Variants in AGBL1 observed in about 807,000 individuals in gnomAD.
The protein encoded by AGBL1 is cytosolic carboxypeptidase 4.
In AGBL1, 130 loss-of-function variants were observed where a neutral mutation model predicts 118.9. The observed-to-expected ratio is 1.09, with a 90% confidence interval of 0.95 to 1.26. The LOEUF is 1.26. AGBL1 is among the 50% of genes most tolerant of loss of function. AGBL1 has a pLI of 0.00. For missense variants in AGBL1, 1,584 were observed against 1,298.1 expected (o/e 1.22, Z -3.38); for synonymous variants, 555 against 478.9 (o/e 1.16, Z -2.08).
chr15:86,724,100 G>A (rs1696289418), intron 22 of AGBL1, among the ~76,000 whole-genome samples: 2 of 152,106 alleles, frequency 1.3e-5, no homozygotes, highest in Admixed American at 6.5e-5. Context: ...GCCGGGTGCG[G>A]TGGCGGGCGC....
intron 5 of AGBL1, among the ~76,000 whole-genome samples, chr15:86,222,008 C>T (rs1257153626): frequency 6.6e-6 from 1 of 152,186 alleles, no homozygotes; most frequent in Non-Finnish European, 1.5e-5. Context: ...TGGTGAAGTT[C>T]AGTTTCCAAA....
intron 21 of AGBL1, among the ~76,000 whole-genome samples, chr15:86,646,119 A>C (rs1252133025): frequency 1.3e-5 from 2 of 151,894 alleles, no homozygotes; most frequent in African/African-American, 2.4e-5. Flanking sequence ...GTCTTACATC[A>C]ACAGTTTGCT....
intron 22 of AGBL1, among the ~76,000 whole-genome samples, chr15:86,838,276 T>C (rs2079195485): frequency 1.3e-5 from 2 of 152,150 alleles, no homozygotes; most frequent in South Asian, 4.1e-4. Flanking sequence ...AAAAGACAAA[T>C]CACTGGCCTG....
intron 21 of AGBL1, among the ~76,000 whole-genome samples, chr15:86,622,734 C>T (rs2142414277): frequency 6.6e-6 from 1 of 152,238 alleles, no homozygotes; most frequent in African/African-American, 2.4e-5. Context: ...AATTTTTCCA[C>T]AGACTACGGG....
intron 23 of AGBL1, among the ~76,000 whole-genome samples, chr15:86,943,032 T>G (rs2141657183): frequency 6.6e-6 from 1 of 152,324 alleles, no homozygotes; most frequent in South Asian, 2.1e-4. Context: ...CCACATAAAT[T>G]AGGTTTTTGT....
rs1896319963 is a variant in AGBL1 at position 86,095,646 on chromosome 15, C to CTTTTTT, written c.51+15623_51+15624insTTTTTT. Among the ~76,000 whole-genome samples the CTTTTTT allele has an allele frequency of 1.6e-4, 19 of 116,684 alleles. 8 individuals carry two copies. Among genetic ancestry groups the CTTTTTT allele is most frequent in the African/African-American group, 1.9e-4 (6 of 31,940 alleles). The allele number at this position is 116,684 out of a possible 152,430, so 76.5% of individuals were successfully genotyped here. ...TCATAATGTCACATGACCTTGGATA[C>CTTTTTT]CTTTTTTTTTTTTTTTTTTTTTTTT... On this transcript the variant is annotated intron_variant, in intron 1 of 22. Transcript: ENST00000614907.
intron 1 of AGBL1, among the ~76,000 whole-genome samples, chr15:86,122,024 A>G (rs1174000564): frequency 6.6e-6 from 1 of 152,220 alleles, no homozygotes; most frequent in East Asian, 1.9e-4. Context: ...GAAGTCGGAA[A>G]ATTACAGCCC....
At chr15:86,180,573 TG>T (rs1431516623) in intron 5 of AGBL1, among the ~76,000 whole-genome samples, 7 of 152,138 alleles carry the variant, frequency 4.6e-5, no homozygotes, top group African/African-American at 1.7e-4. Context: ...ATAACATTTC[TG>T]GAAGAAAACA....
chr15:86,627,588 G>A (rs531483377), intron 21 of AGBL1, among the ~76,000 whole-genome samples: 1 of 152,178 alleles, frequency 6.6e-6, no homozygotes, highest in Non-Finnish European at 1.5e-5. Context: ...ATAATGAGTG[G>A]CAAATTCCAA....
At chr15:86,664,561 G>A (rs7180391) in intron 21 of AGBL1, among the ~76,000 whole-genome samples, 61,116 of 151,854 alleles carry the variant, frequency 0.4, 12,721 homozygotes, top group East Asian at 0.69. Context: ...CTAAGGAAAT[G>A]GATGTCTCAT....
At chr15:86,607,855 T>A (rs2469168) in intron 21 of AGBL1, among the ~76,000 whole-genome samples, 75,026 of 151,882 alleles carry the variant, frequency 0.49, 18,691 homozygotes, top group East Asian at 0.73. Context: ...TTATGCAAAT[T>A]TTGTGTTTCT....
chr15:86,445,318 T>G (rs1244753219), intron 18 of AGBL1, among the ~76,000 whole-genome samples: 1 of 152,238 alleles, frequency 6.6e-6, no homozygotes, highest in Non-Finnish European at 1.5e-5. Context: ...ATATGACTTT[T>G]TGCTATAGCG....
rs190791747 is a variant in AGBL1, at chr15:86,264,292, C to G, written c.1121C>G (p.Ser374Cys). The G allele has an allele frequency of 8.1e-6, 13 of 1,606,976 alleles. No homozygotes were observed. The East Asian group carries it at 2.9e-4, about 36-fold the overall frequency. The change falls in exon 11 of 23, where the codon TCT becomes TGT. Residue 374 changes from serine to cysteine, a missense_variant. Ser to Cys is a moderately radical substitution (Grantham distance 112). Coordinates refer to ENST00000614907, the MANE Select transcript of AGBL1 (RefSeq NM_001386094.1). Reference sequence around the variant, plus strand: ...TCCAAACTTGGAGATGATTTGAACTCTGAAAAGACTCAGTATGCCAATCAC... The same window carrying G: ...TCCAAACTTGGAGATGATTTGAACTGTGAAAAGACTCAGTATGCCAATCAC... ...LQSKLGDDLN[S>C]EKTQYANHHH...
chr15:86,622,741 C>G (rs2346711), intron 21 of AGBL1, among the ~76,000 whole-genome samples: 70,619 of 151,860 alleles, frequency 0.47, 16,731 homozygotes, highest in East Asian at 0.61. Context: ...CCACAGACTA[C>G]GGGTGGGGCA....
intron 22 of AGBL1, among the ~76,000 whole-genome samples, chr15:86,827,435 ATATATATGTGTGTG>A (rs1272969189): frequency 0.017 from 189 of 10,850 alleles, 4 homozygotes; most frequent in East Asian, 0.15. Context: ...ATATACACAT[ATATATATGTGTGTG>A]TATATATATA....
chr15:86,694,741 G>A, intron 22 of AGBL1, among the ~76,000 whole-genome samples: 1 of 151,906 alleles, frequency 6.6e-6, no homozygotes, highest in Non-Finnish European at 1.5e-5. Flanking sequence ...TTATGTAGAT[G>A]GCTTTTATTA....
intron 6 of AGBL1, among the ~76,000 whole-genome samples, chr15:86,237,367 T>G (rs2078569167): frequency 6.6e-6 from 1 of 152,172 alleles, no homozygotes; most frequent in African/African-American, 2.4e-5. Flanking sequence ...CAGAATTGCT[T>G]TCCTGCTGTC....
intron 5 of AGBL1, among the ~76,000 whole-genome samples, chr15:86,202,197 G>T (rs2077918592): frequency 6.6e-6 from 1 of 152,176 alleles, no homozygotes; most frequent in South Asian, 2.1e-4. Context: ...GGGGGCTGAG[G>T]CAGGAGAATC....
At chr15:86,523,544 G>C (rs73457670) in intron 19 of AGBL1, among the ~76,000 whole-genome samples, 1 of 151,962 alleles carries the variant, frequency 6.6e-6, no homozygotes, top group African/African-American at 2.4e-5. Flanking sequence ...AACCCCCAGC[G>C]TAGTAGTCAT....
Sources: gnomAD v4.1 joint callset for allele counts (sites outside exome capture counted in the v4.1 genomes callset) on GRCh38, gnomAD v4.1.1 for gene constraint, MANE v1.5 for transcripts, NCBI Gene and HGNC (gene_info 2026-07-23, HGNC 2026-07-21) for gene names.